Variants in PES1 observed in about 807,000 individuals in gnomAD.
PES1 encodes the protein pescadillo ribosomal biogenesis factor 1.
PES1 carries 31 observed loss-of-function variants against 77.1 expected under a neutral mutation model. The ratio of observed to expected loss-of-function variants is 0.40; its 90% confidence interval spans 0.30 to 0.54. PES1 has a LOEUF of 0.54. Among genes scored for constraint, PES1 ranks in the 20% least tolerant of loss-of-function variants. The pLI is 0.45. For missense variants in PES1, 658 were observed against 771.7 expected (o/e 0.85, Z 1.75); for synonymous variants, 282 against 303.0 (o/e 0.93, Z 0.72).
In PES1 at chr22:30,579,004, G is replaced by A. The variant is rs777905688; in HGVS notation, c.1522-6C>T. 1.4e-5 allele frequency: 22 copies of A among 1,608,930 alleles called. No homozygotes were observed. The highest frequency in any genetic ancestry group is 3.3e-5 in the Admixed American group (2 of 59,994). ...CCTGCCATCACCCTGGGCTTCTGGGGACACAAGGAGGGTGCTTATGGGGGC... is the reference window on the plus strand; with the variant it reads ...CCTGCCATCACCCTGGGCTTCTGGGAACACAAGGAGGGTGCTTATGGGGGC... On this transcript the variant is annotated splice_region_variant and splice_polypyrimidine_tract_variant and intron_variant, in intron 13 of 14. Coordinates refer to ENST00000354694, the MANE Select transcript of PES1 (RefSeq NM_014303.4).
chr22:30,577,161 G>A (rs758037700), intron 14 of PES1, 32 bp from the exon 15 acceptor site: 3 of 1,520,588 alleles, frequency 2.0e-6, no homozygotes, highest in Non-Finnish European at 2.7e-6. Context: ...TCAGGCTGAG[G>A]TATGTGTAGA....
exon 1 of PES1, chr22:30,607,004 C>T (rs542778798): frequency 3.4e-4 from 208 of 619,420 alleles, no homozygotes; most frequent in African/African-American, 2.1e-3. Context: ...GCGCTGGTCC[C>T]GGGCTCTTTA....
chr22:30,602,592 C>A (rs1397558655), intron 2 of PES1, among the ~76,000 whole-genome samples: 1 of 151,566 alleles, frequency 6.6e-6, no homozygotes, highest in Non-Finnish European at 1.5e-5. Context: ...CTATGTTGCC[C>A]AGGCTTGTCT....
At chr22:30,592,513 A>C (rs750958639), upstream of PES1, 24 of 738,658 alleles carry the variant, frequency 3.2e-5, no homozygotes, top group Non-Finnish European at 3.8e-5. Flanking sequence ...ATGTACATTC[A>C]AGGCTGGGAG....
Position 30,580,752 on chromosome 22 carries a change from T to C in PES1, c.913-51A>G, listed in dbSNP as rs747151927. ...CACCACCAGGGCTGCCCACCCCCAC[T>C]GGAGGGCCAGGGCTGGAGATAACGT... On this transcript the variant is annotated intron_variant, in intron 9 of 14. Coordinates refer to ENST00000354694, the MANE Select transcript of PES1 (RefSeq NM_014303.4). 4 of 1,608,252 alleles carry C rather than the reference T, an allele frequency of 2.5e-6. No individual in the cohort carries two copies. In the Admixed American group the frequency reaches 5.0e-5, roughly 20 times the overall value.
intron 14 of PES1, among the ~76,000 whole-genome samples, chr22:30,577,992 T>C (rs1476677099): frequency 6.6e-6 from 1 of 152,108 alleles, no homozygotes; most frequent in African/African-American, 2.4e-5. Flanking sequence ...AAATGAAAAT[T>C]ACAACTCAGG....
chr22:30,579,384 C>G, intron 12 of PES1, 81 bp from the exon 13 acceptor site: 1 of 1,586,358 alleles, frequency 6.3e-7, no homozygotes, highest in Non-Finnish European at 8.5e-7. Context: ...AGGCCCCATC[C>G]TCTCTGACCC....
Position 30,580,675 on chromosome 22 carries a change from G to A in PES1, c.939C>T (p.Arg313=). 1 of 1,613,414 alleles carries A rather than the reference G, an allele frequency of 6.2e-7. No homozygotes were observed. Among genetic ancestry groups the A allele is most frequent in the Non-Finnish European group, 8.5e-7 (1 of 1,180,020 alleles). The part of the protein sequence containing the change: ...DGEMSAQEED[R]RKELEAQEKH... ...TCTCCTGCGCCTCCAGCTCCTTCCT[G>A]CGGTCTTCCTCCTGCGCTGACATCT... is the stretch of plus-strand genomic sequence containing the variant. The change falls in exon 10 of 15, where the codon CGC becomes CGT. Residue 313 remains arginine, a synonymous_variant. Transcript: ENST00000354694.
chr22:30,579,616 G>T, intron 12 of PES1, 135 bp downstream of exon 12: 3 of 820,756 alleles, frequency 3.7e-6, no homozygotes, highest in Non-Finnish European at 5.8e-6. Context: ...CTTCTCCTAA[G>T]CCTTATTCTA....
At chr22:30,606,361 G>A (rs1354122819) in intron 1 of PES1, among the ~76,000 whole-genome samples, 4 of 152,024 alleles carry the variant, frequency 2.6e-5, no homozygotes, top group Non-Finnish European at 4.4e-5. Context: ...CCCCCAAGTA[G>A]CTGGGATTAC....
chr22:30,600,247 T>C (rs1032637746), intron 2 of PES1, among the ~76,000 whole-genome samples: 3 of 152,154 alleles, frequency 2.0e-5, no homozygotes, highest in South Asian at 2.1e-4. Context: ...GGTGCAAGAA[T>C]TGCTTGAGCC....
In PES1 at chr22:30,576,964, A is replaced by T; in HGVS notation, c.*82T>A. 1 of 1,144,372 alleles carries T rather than the reference A, an allele frequency of 8.7e-7. No individual in the cohort carries two copies. 70.9% of individuals were successfully genotyped at this position (1,144,372 alleles called of 1,614,324 possible). ...GGAGGAGGAGAAGTGACTCTGGTCC[A>T]TCACACTTAGGTCCTCTGGCCTGCC... On this transcript the variant is annotated 3_prime_UTR_variant, in exon 15 of 15. Coordinates refer to ENST00000354694, the MANE Select transcript of PES1 (RefSeq NM_014303.4).
At chr22:30,605,814 C>G (rs1411903236) in intron 1 of PES1, among the ~76,000 whole-genome samples, 2 of 152,160 alleles carry the variant, frequency 1.3e-5, no homozygotes, top group African/African-American at 4.8e-5. Context: ...TTATTTATGT[C>G]AAGGGCTTGG....
chr22:30,591,919 C>T, upstream of PES1: 3 of 1,483,786 alleles, frequency 2.0e-6, no homozygotes, highest in Non-Finnish European at 2.7e-6. Context: ...ACCCCGAGGA[C>T]CCTCCCCACC....
At chr22:30,577,442 G>C (rs1476315545) in intron 14 of PES1, among the ~76,000 whole-genome samples, 1 of 152,182 alleles carries the variant, frequency 6.6e-6, no homozygotes, top group Non-Finnish European at 1.5e-5. Flanking sequence ...CCTTCACCAG[G>C]AGCTGGTGGA....
chr22:30,579,713 C>A (rs369775767), intron 12 of PES1, 38 bp downstream of exon 12: 6 of 1,596,586 alleles, frequency 3.8e-6, no homozygotes, highest in Non-Finnish European at 5.1e-6. Context: ...CCAGCGTGGG[C>A]CCAGGGGTCA....
intron 4 of PES1, among the ~76,000 whole-genome samples, chr22:30,585,879 A>G (rs1407821087): frequency 6.6e-6 from 1 of 152,156 alleles, no homozygotes; most frequent in Non-Finnish European, 1.5e-5. Flanking sequence ...CCATGCCAAG[A>G]TGCAAGAAAG....
At position 30,584,432 on chromosome 22, in the gene PES1, A is replaced by G. The variant is rs746819496; in HGVS notation, c.563T>C (p.Ile188Thr). 1.9e-6 allele frequency: 3 copies of G among 1,612,364 alleles called. No individual in the cohort carries two copies. In the South Asian group the frequency reaches 3.3e-5, roughly 18 times the overall value. The change falls in exon 6 of 15, where the codon ATT becomes ACT. Residue 188 changes from isoleucine (I) to threonine (T), a missense_variant. By Grantham distance (89) the Ile-to-Thr change is moderately conservative (BLOSUM62 -1). Transcript: ENST00000354694. Reference protein sequence around the residue: ...LRKVFLSIKGIYYQAEVLGQP... With the variant: ...LRKVFLSIKGTYYQAEVLGQP... ...CCCCAGTACCTCGGCCTGGTAGTAA[A>G]TGCCTTTGATGGACAGGAAGACCTA...
chr22:30,594,070 A>C (rs558955687), upstream of PES1, among the ~76,000 whole-genome samples: 1 of 152,284 alleles, frequency 6.6e-6, no homozygotes, highest in African/African-American at 2.4e-5. Context: ...TTACGGTGAA[A>C]AGCCCAGTCT....
Sources: gnomAD v4.1 joint callset for allele counts (sites outside exome capture counted in the v4.1 genomes callset) on GRCh38, gnomAD v4.1.1 for gene constraint, MANE v1.5 for transcripts, NCBI Gene and HGNC (gene_info 2026-07-23, HGNC 2026-07-21) for gene names.